The following TMEM135 variants were observed in gnomAD, a reference collection of about 807,000 sequenced individuals.
The protein encoded by TMEM135 is peroxisomal membrane protein 52.
A neutral mutation model predicts 60.3 loss-of-function variants in TMEM135; 30 were observed. The observed-to-expected ratio is 0.50, with a 90% CI of 0.37 to 0.68. TMEM135 has a LOEUF of 0.68. TMEM135 is among the 30% of genes least tolerant of loss of function. TMEM135 has a pLI of 0.00. For synonymous variants in TMEM135, 190 were observed against 186.7 expected (o/e 1.02, Z -0.14); for missense variants, 468 against 548.8 (o/e 0.85, Z 1.47).
intron 6 of TMEM135, among the ~76,000 whole-genome samples, chr11:87,288,289 A>G (rs1942205192): frequency 6.6e-6 from 1 of 152,198 alleles, no homozygotes; most frequent in Non-Finnish European, 1.5e-5. Context: ...TGTTTCATAC[A>G]GGTCTTTCTA....
At position 87,297,709 on chromosome 11, in the gene TMEM135, A is replaced by G. The variant is rs1286352764; in HGVS notation, c.551+1886A>G. 2.0e-5 allele frequency among the ~76,000 whole-genome samples: 3 copies of G among 152,214 alleles called. No individual in the cohort carries two copies. The East Asian group carries it at 5.8e-4, about 29-fold the overall frequency. ...TTTGCACTTAAATTTTCTCTGTATT[A>G]TAGAAAAATATTCCAGAAAAAATGT... is the stretch of plus-strand genomic sequence containing the variant. On this transcript the variant is annotated intron_variant, in intron 7 of 14. Coordinates refer to ENST00000305494, the MANE Select transcript of TMEM135 (RefSeq NM_022918.4).
At chr11:87,235,130 C>T (rs1009678675) in intron 5 of TMEM135, among the ~76,000 whole-genome samples, 4 of 151,718 alleles carry the variant, frequency 2.6e-5, no homozygotes, top group African/African-American at 9.7e-5. Flanking sequence ...GTAAATAAAC[C>T]CACTTAGACT....
intron 1 of TMEM135, among the ~76,000 whole-genome samples, chr11:87,043,106 C>T (rs1252561736): frequency 1.3e-5 from 2 of 151,624 alleles, no homozygotes; most frequent in South Asian, 2.1e-4. Flanking sequence ...CAGGTATGCA[C>T]CACCACGCCC....
intron 5 of TMEM135, among the ~76,000 whole-genome samples, chr11:87,208,957 C>A (rs1196697518): frequency 6.6e-6 from 1 of 152,132 alleles, no homozygotes; most frequent in Admixed American, 6.5e-5. Context: ...TCATATCCCT[C>A]CAATCTAAGC....
chr11:87,319,209 C>T, intron 13 of TMEM135, 101 bp from the exon 14 acceptor site: 1 of 1,025,682 alleles, frequency 9.7e-7, no homozygotes, highest in Non-Finnish European at 1.5e-6. Context: ...TACAAAAATT[C>T]TTGATAGTTA....
At chr11:87,318,476 AC>A (rs1942768556) in intron 13 of TMEM135, among the ~76,000 whole-genome samples, 1 of 152,038 alleles carries the variant, frequency 6.6e-6, no homozygotes, top group African/African-American at 2.4e-5. Flanking sequence ...TTAATAGAGT[AC>A]AATTTATAAG....
At chr11:87,132,217 T>C (rs1389113246) in intron 4 of TMEM135, among the ~76,000 whole-genome samples, 1 of 152,132 alleles carries the variant, frequency 6.6e-6, no homozygotes, top group Admixed American at 6.6e-5. Flanking sequence ...CCACTGCTGG[T>C]TCATGGAAAA....
At chr11:87,169,513 T>C (rs1419540813) in intron 5 of TMEM135, among the ~76,000 whole-genome samples, 1 of 151,994 alleles carries the variant, frequency 6.6e-6, no homozygotes, top group African/African-American at 2.4e-5. Flanking sequence ...ACAAAATCTC[T>C]TAGCATTTGC....
intron 6 of TMEM135, among the ~76,000 whole-genome samples, chr11:87,249,475 T>C (rs1454462489): frequency 6.6e-6 from 1 of 152,178 alleles, no homozygotes; most frequent in Non-Finnish European, 1.5e-5. Flanking sequence ...TATTTCTACA[T>C]TGATGTTATT....
intron 3 of TMEM135, among the ~76,000 whole-genome samples, chr11:87,076,068 C>T (rs905092790): frequency 6.6e-5 from 10 of 152,148 alleles, no homozygotes; most frequent in Non-Finnish European, 1.0e-4. Context: ...CACTCAAAGC[C>T]CTAGGGCTCT....
At chr11:87,200,629 A>G (rs1408362568) in intron 5 of TMEM135, among the ~76,000 whole-genome samples, 5 of 152,222 alleles carry the variant, frequency 3.3e-5, no homozygotes, top group African/African-American at 1.2e-4. Context: ...TTATCATTCA[A>G]TGTTCATAGT....
At position 87,321,526 on chromosome 11, in the gene TMEM135, T is replaced by A; in HGVS notation, c.*193T>A. The A allele has an allele frequency of 1.4e-6, 1 of 701,508 alleles. No individual in the cohort carries two copies. The highest frequency in any genetic ancestry group is 2.6e-6 in the Non-Finnish European group (1 of 389,988). The allele number at this position is 701,508 out of a possible 1,614,324, so 43.5% of individuals were successfully genotyped here. On this transcript the variant is annotated 3_prime_UTR_variant, in exon 15 of 15. Transcript: ENST00000305494. Reference sequence around the variant, plus strand: ...GAAGATGTTGCTTAATAATTAAGCTTCCTCCATAGCCAGAATAAGATTCTG... The same window carrying A: ...GAAGATGTTGCTTAATAATTAAGCTACCTCCATAGCCAGAATAAGATTCTG...
intron 4 of TMEM135, chr11:87,120,927 T>G (rs1565449645): frequency 6.6e-6 from 1 of 152,208 alleles, no homozygotes; most frequent in Non-Finnish European, 1.5e-5. Context: ...TTTTGACTCT[T>G]CATATGTTTT....
At chr11:87,258,302 G>T (rs1941571838) in intron 6 of TMEM135, among the ~76,000 whole-genome samples, 2 of 151,852 alleles carry the variant, frequency 1.3e-5, no homozygotes, top group South Asian at 4.2e-4. Context: ...AATGTGCAGA[G>T]GAAATGAGCT....
At chr11:87,221,851 A>G (rs919589106) in intron 5 of TMEM135, among the ~76,000 whole-genome samples, 13 of 152,202 alleles carry the variant, frequency 8.5e-5, no homozygotes, top group Admixed American at 8.5e-4. Flanking sequence ...CTCACTGGAT[A>G]TTGAACAAAG....
At chr11:87,211,837 G>T (rs1372252307) in intron 5 of TMEM135, among the ~76,000 whole-genome samples, 1 of 151,954 alleles carries the variant, frequency 6.6e-6, no homozygotes, top group Non-Finnish European at 1.5e-5. Context: ...CCAGCTACTC[G>T]GGAGGTTGAG....
chr11:87,115,170 A>G (rs904587565), intron 4 of TMEM135, among the ~76,000 whole-genome samples: 2 of 152,094 alleles, frequency 1.3e-5, no homozygotes, highest in African/African-American at 4.8e-5. Context: ...TTATTTAAGA[A>G]ATTTGTGTAG....
intron 4 of TMEM135, among the ~76,000 whole-genome samples, chr11:87,094,108 T>C (rs1478050460): frequency 6.6e-6 from 1 of 152,186 alleles, no homozygotes; most frequent in Non-Finnish European, 1.5e-5. Context: ...GGAATTTCCA[T>C]CGTGATCTTT....
intron 6 of TMEM135, among the ~76,000 whole-genome samples, chr11:87,244,640 A>G (rs1490140220): frequency 1.2e-5 from 1 of 82,468 alleles, no homozygotes; most frequent in Non-Finnish European, 3.0e-5. Flanking sequence ...ATTTGCGTAG[A>G]GGTGTTTGTA....
Sources: allele counts gnomAD v4.1 joint callset (sites outside exome capture counted in the v4.1 genomes callset), GRCh38; gene constraint gnomAD v4.1.1; transcripts MANE v1.5; gene names NCBI Gene and HGNC (gene_info 2026-07-23, HGNC 2026-07-21).